Variants in CSMD1 observed in about 807,000 individuals in gnomAD.
The protein encoded by CSMD1 is CUB and Sushi multiple domains 1, also known as CUB and sushi domain-containing protein 1.
CSMD1 carries 213 observed loss-of-function variants against 417.5 expected under a neutral mutation model. That is an observed-to-expected ratio of 0.51 (90% CI 0.46 to 0.57). CSMD1 has a LOEUF of 0.57. Ranked by LOEUF, CSMD1 falls within the 20% of genes least tolerant of loss-of-function variation. The pLI is 0.00. For synonymous variants in CSMD1, 2,862 were observed against 1,736.8 expected (o/e 1.65, Z -16.11); for missense variants, 6,923 against 4,529.7 (o/e 1.53, Z -15.17).
chr8:3,534,634 T>C (rs1167579707), intron 10 of CSMD1, among the ~76,000 whole-genome samples: 2 of 152,202 alleles, frequency 1.3e-5, no homozygotes, highest in African/African-American at 2.4e-5. Context: ...TCAGTTGGTA[T>C]CTTGGGAATG....
intron 5 of CSMD1, among the ~76,000 whole-genome samples, chr8:3,926,949 C>T (rs910417209): frequency 2.0e-5 from 3 of 151,738 alleles, no homozygotes; most frequent in South Asian, 2.1e-4. Context: ...CTCCTGACAT[C>T]GTGATCCACC....
intron 18 of CSMD1, among the ~76,000 whole-genome samples, chr8:3,384,759 TTA>T (rs1810879377): frequency 8.3e-6 from 1 of 119,788 alleles, no homozygotes; most frequent in Non-Finnish European, 1.6e-5. Flanking sequence ...TTTATATAAA[TTA>T]TATAAATATA....
chr8:3,083,630 ATATATATATATATATATATTTTTTTTT>A (rs1814280639), intron 49 of CSMD1, among the ~76,000 whole-genome samples: 6 of 27,974 alleles, frequency 2.1e-4, no homozygotes, highest in African/African-American at 8.7e-4. Flanking sequence ...ATATATATAT[ATATATATATATATATATATTTTTTTTT>A]TTTTTTTTTT....
intron 3 of CSMD1, among the ~76,000 whole-genome samples, chr8:4,079,186 G>C (rs1487075826): frequency 6.6e-6 from 1 of 151,964 alleles, no homozygotes; most frequent in Non-Finnish European, 1.5e-5. Context: ...ATAAGCTAAT[G>C]TTTTAGTCTA....
At chr8:4,627,086 T>A (rs933857199) in intron 2 of CSMD1, among the ~76,000 whole-genome samples, 1 of 152,192 alleles carries the variant, frequency 6.6e-6, no homozygotes, top group Non-Finnish European at 1.5e-5. Context: ...GTATATAGCA[T>A]TCATTCCCTT....
At chr8:3,701,786 C>G (rs1424365640) in intron 7 of CSMD1, among the ~76,000 whole-genome samples, 1 of 152,064 alleles carries the variant, frequency 6.6e-6, no homozygotes, top group Non-Finnish European at 1.5e-5. Flanking sequence ...TTTATGTGGC[C>G]TTCTAAAAAC....
In CSMD1 at chr8:4,140,493, A is replaced by AAAAC. The variant is rs771767294; in HGVS notation, c.416-108398_416-108395dup. Among the ~76,000 whole-genome samples the AAAAC allele has an allele frequency of 1.1e-4, 15 of 132,994 alleles. 1 individual carries two copies. Among genetic ancestry groups the AAAAC allele is most frequent in the East Asian group, 4.0e-4 (2 of 4,962 alleles). The allele number at this position is 132,994 out of a possible 152,430, so 87.2% of individuals were successfully genotyped here. ...AGTATAAGCAACAAAATCCATCTCA[A>AAAAC]AAACAAACAAACAAACAAACAAAAA... On this transcript the variant is annotated intron_variant, in intron 3 of 69. Coordinates refer to ENST00000635120, the MANE Select transcript of CSMD1 (RefSeq NM_033225.6).
intron 10 of CSMD1, among the ~76,000 whole-genome samples, chr8:3,558,077 T>A (rs921887575): frequency 6.7e-6 from 1 of 149,948 alleles, no homozygotes; most frequent in Admixed American, 6.6e-5. Context: ...AGTGCCTCAA[T>A]AGTACCCCGT....
At chr8:4,963,118 T>A (rs374686079) in intron 1 of CSMD1, among the ~76,000 whole-genome samples, 1 of 152,332 alleles carries the variant, frequency 6.6e-6, no homozygotes, top group African/African-American at 2.4e-5. Context: ...TTATTTCCCA[T>A]GGGTGGCCCT....
chr8:4,991,394 G>T (rs1811454891), intron 1 of CSMD1, among the ~76,000 whole-genome samples: 1 of 152,226 alleles, frequency 6.6e-6, no homozygotes, highest in Non-Finnish European at 1.5e-5. Context: ...AGCACCATCA[G>T]CTGAAGCTGA....
chr8:3,595,102 T>C (rs545339459), intron 8 of CSMD1, among the ~76,000 whole-genome samples: 1 of 152,290 alleles, frequency 6.6e-6, no homozygotes, highest in South Asian at 2.1e-4. Context: ...TCTCCGATTG[T>C]CCTATAAGGG....
intron 3 of CSMD1, among the ~76,000 whole-genome samples, chr8:4,233,082 C>T (rs1276756911): frequency 1.3e-5 from 2 of 152,200 alleles, no homozygotes; most frequent in African/African-American, 4.8e-5. Flanking sequence ...TTGTTCTGTG[C>T]ACTGGCACTG....
intron 17 of CSMD1, among the ~76,000 whole-genome samples, chr8:3,391,131 T>G (rs1385210444): frequency 6.6e-6 from 1 of 151,786 alleles, no homozygotes; most frequent in Non-Finnish European, 1.5e-5. Context: ...CCGACCACTC[T>G]CCTTTCCTTT....
intron 5 of CSMD1, among the ~76,000 whole-genome samples, chr8:3,965,553 G>C (rs944160076): frequency 2.0e-5 from 3 of 152,178 alleles, no homozygotes; most frequent in Admixed American, 6.5e-5. Flanking sequence ...GGTCAGGAAA[G>C]AGAGGTCTTT....
At position 4,894,940 on chromosome 8, in the gene CSMD1, G is replaced by C. The variant is rs150562896; in HGVS notation, c.85+99392C>G. Among the ~76,000 whole-genome samples the C allele has an allele frequency of 3.3e-4, 50 of 152,264 alleles. No individual in the cohort carries two copies. In the East Asian group the frequency reaches 8.9e-3, roughly 27 times the overall value. On this transcript the variant is annotated intron_variant, in intron 1 of 69. Coordinates refer to ENST00000635120, the MANE Select transcript of CSMD1 (RefSeq NM_033225.6). ...AAGGACACTTTGAAACATAAGGCCA[G>C]GAATCAAATGGCTGAGGTTCAGGGC...
At chr8:4,269,218 G>A (rs1022815835) in intron 3 of CSMD1, among the ~76,000 whole-genome samples, 3 of 151,936 alleles carry the variant, frequency 2.0e-5, no homozygotes, top group East Asian at 1.9e-4. Flanking sequence ...CACCACACCC[G>A]GCTAATTTTT....
At chr8:3,416,932 G>C (rs950148568) in intron 12 of CSMD1, among the ~76,000 whole-genome samples, 5 of 152,108 alleles carry the variant, frequency 3.3e-5, no homozygotes, top group African/African-American at 1.2e-4. Flanking sequence ...TCTAAAATTA[G>C]GTTCACCCAT....
chr8:3,701,863 A>G (rs1800889274), intron 7 of CSMD1, among the ~76,000 whole-genome samples: 1 of 152,184 alleles, frequency 6.6e-6, no homozygotes, highest in South Asian at 2.1e-4. Context: ...CCAGAGGGAG[A>G]TGGAACCACT....
At chr8:3,185,290 T>A (rs774548064) in intron 36 of CSMD1, among the ~76,000 whole-genome samples, 44 of 152,186 alleles carry the variant, frequency 2.9e-4, no homozygotes, top group Non-Finnish European at 5.6e-4. Flanking sequence ...CCTGGCTAAC[T>A]CCAAAAACTG....
Sources: allele counts gnomAD v4.1 joint callset (sites outside exome capture counted in the v4.1 genomes callset), GRCh38; gene constraint gnomAD v4.1.1; transcripts MANE v1.5; gene names NCBI Gene and HGNC (gene_info 2026-07-23, HGNC 2026-07-21).